Variants in TBC1D22A observed in about 807,000 individuals in gnomAD.
The protein encoded by TBC1D22A is TBC1 domain family member 22A.
Under a neutral mutation model 60.2 loss-of-function variants are expected in TBC1D22A, and 38 were observed. The ratio of observed to expected loss-of-function variants is 0.63; its 90% confidence interval spans 0.49 to 0.83. The LOEUF is 0.83. Ranked by LOEUF, TBC1D22A falls within the 40% of genes least tolerant of loss-of-function variation. The pLI, the probability that TBC1D22A is intolerant of heterozygous loss-of-function variation, is 0.00. For missense variants in TBC1D22A, 628 were observed against 701.0 expected (o/e 0.90, Z 1.18); for synonymous variants, 302 against 281.7 (o/e 1.07, Z -0.72).
At chr22:47,094,833 T>C (rs2065108271) in intron 11 of TBC1D22A, among the ~76,000 whole-genome samples, 1 of 150,454 alleles carries the variant, frequency 6.6e-6, no homozygotes, top group African/African-American at 2.4e-5. Context: ...CCCCCGAGGC[T>C]GTAGAGAGGA....
intron 1 of TBC1D22A, among the ~76,000 whole-genome samples, chr22:46,781,264 T>A (rs2083925233): frequency 6.6e-6 from 1 of 151,922 alleles, no homozygotes; most frequent in African/African-American, 2.4e-5. Flanking sequence ...CAGCCTTGAC[T>A]TCCTGGGCTC....
chr22:46,971,391 A>G (rs1039369724), intron 8 of TBC1D22A, among the ~76,000 whole-genome samples: 4 of 152,172 alleles, frequency 2.6e-5, no homozygotes, highest in Non-Finnish European at 5.9e-5. Flanking sequence ...AAATGTCTCC[A>G]TGCTTGGAAG....
At chr22:46,867,237 G>A (rs1317205389) in intron 4 of TBC1D22A, among the ~76,000 whole-genome samples, 6 of 152,204 alleles carry the variant, frequency 3.9e-5, no homozygotes, top group African/African-American at 1.4e-4. Context: ...GGTTGCAAAA[G>A]ATGTTTAGCA....
At chr22:47,139,709 G>A (rs950776949) in intron 12 of TBC1D22A, among the ~76,000 whole-genome samples, 3 of 152,218 alleles carry the variant, frequency 2.0e-5, no homozygotes, top group African/African-American at 4.8e-5. Flanking sequence ...TGGCCGGGGA[G>A]GTTGTGAGTG....
At position 47,132,894 on chromosome 22, in the gene TBC1D22A, G is replaced by A. The variant is rs553677331; in HGVS notation, c.1425+21291G>A. ...AAACTGAGCCATTGGATTTCAGTTC[G>A]AACCAGGGCCTTGAACTCCCTGGGG... On this transcript the variant is annotated intron_variant, in intron 12 of 12. Transcript: ENST00000337137. 3.3e-5 allele frequency among the ~76,000 whole-genome samples: 5 copies of A among 152,330 alleles called. No individual in the cohort carries two copies. The South Asian group carries it at 6.2e-4, about 19-fold the overall frequency.
intron 7 of TBC1D22A, among the ~76,000 whole-genome samples, chr22:46,904,145 A>ATCTATCTATCTATCTATCTG (rs1555937547): frequency 1.3e-5 from 1 of 75,484 alleles, no homozygotes; most frequent in African/African-American, 4.9e-5. Flanking sequence ...CTATCTATCT[A>ATCTATCTATCTATCTATCTG]CCTACCTACC....
intron 4 of TBC1D22A, among the ~76,000 whole-genome samples, chr22:46,873,459 G>C (rs1012692770): frequency 2.2e-4 from 33 of 152,102 alleles, no homozygotes; most frequent in Non-Finnish European, 4.0e-4. Flanking sequence ...AGTGTAAAAT[G>C]GTGCAATCAC....
chr22:47,064,028 C>T (rs1221858718), intron 11 of TBC1D22A, among the ~76,000 whole-genome samples: 1 of 49,920 alleles, frequency 2.0e-5, no homozygotes, highest in Non-Finnish European at 3.5e-5. Context: ...AGGGCCCCCC[C>T]TACTCCAGTG....
intron 11 of TBC1D22A, among the ~76,000 whole-genome samples, chr22:47,061,844 T>G (rs1360702609): frequency 2.6e-5 from 4 of 152,106 alleles, no homozygotes; most frequent in African/African-American, 9.7e-5. Context: ...TCCCGGCACT[T>G]TGGGAGGCTG....
At chr22:47,007,779 T>G (rs1243640057) in intron 10 of TBC1D22A, among the ~76,000 whole-genome samples, 1 of 152,078 alleles carries the variant, frequency 6.6e-6, no homozygotes, top group Non-Finnish European at 1.5e-5. Context: ...TCCTGTGGGA[T>G]CAGGGTCCCA....
chr22:46,856,632 G>A (rs962604558), intron 4 of TBC1D22A, among the ~76,000 whole-genome samples: 2 of 152,186 alleles, frequency 1.3e-5, no homozygotes, highest in Admixed American at 6.5e-5. Context: ...TCTCTTTCAA[G>A]AGTGGGGGTG....
chr22:47,126,823 G>A (rs764019255), intron 12 of TBC1D22A, among the ~76,000 whole-genome samples: 78 of 152,220 alleles, frequency 5.1e-4, no homozygotes, highest in Admixed American at 2.9e-3. Flanking sequence ...CAGAAGGGTG[G>A]GCGGGACTGT....
intron 4 of TBC1D22A, among the ~76,000 whole-genome samples, chr22:46,860,983 AT>A (rs774595270): frequency 2.6e-5 from 3 of 113,776 alleles, no homozygotes; most frequent in African/African-American, 4.1e-5. Flanking sequence ...TAATAAATTA[AT>A]TTTTTTTTAA....
At chr22:47,155,963 G>A (rs773614159) in intron 12 of TBC1D22A, among the ~76,000 whole-genome samples, 29 of 152,170 alleles carry the variant, frequency 1.9e-4, no homozygotes, top group Non-Finnish European at 3.7e-4. Context: ...GGACCTCTAC[G>A]GCCCTCCTAC....
chr22:46,903,360 A>T (rs2069151316), intron 7 of TBC1D22A, among the ~76,000 whole-genome samples: 1 of 152,164 alleles, frequency 6.6e-6, no homozygotes, highest in Non-Finnish European at 1.5e-5. Flanking sequence ...TGGACCAGGC[A>T]TGGAGCCAGC....
intron 11 of TBC1D22A, among the ~76,000 whole-genome samples, chr22:47,090,053 C>T (rs987841897): frequency 1.7e-4 from 26 of 152,134 alleles, no homozygotes; most frequent in Admixed American, 1.4e-3. Context: ...CGGGCCCCGC[C>T]GTGCGCAGCG....
At chr22:46,952,218 C>T (rs777587382) in intron 8 of TBC1D22A, among the ~76,000 whole-genome samples, 4 of 152,192 alleles carry the variant, frequency 2.6e-5, no homozygotes, top group East Asian at 1.9e-4. Context: ...TCCCAGGCTC[C>T]GGGACAGCAA....
intron 12 of TBC1D22A, among the ~76,000 whole-genome samples, chr22:47,121,439 C>T (rs2066268148): frequency 6.6e-6 from 1 of 152,210 alleles, no homozygotes; most frequent in African/African-American, 2.4e-5. Flanking sequence ...AGTTATGGTA[C>T]ATGGCTGGTT....
intron 9 of TBC1D22A, among the ~76,000 whole-genome samples, chr22:46,985,906 T>C (rs1241149631): frequency 6.6e-6 from 1 of 152,262 alleles, no homozygotes; most frequent in Admixed American, 6.5e-5. Context: ...ATTAACAATG[T>C]CTTCTATGAG....
Sources: gnomAD v4.1 joint callset for allele counts (sites outside exome capture counted in the v4.1 genomes callset) on GRCh38, gnomAD v4.1.1 for gene constraint, MANE v1.5 for transcripts, NCBI Gene and HGNC (gene_info 2026-07-23, HGNC 2026-07-21) for gene names.